Variants in TUBGCP3 observed in about 807,000 individuals in gnomAD.
The protein encoded by TUBGCP3 is tubulin gamma complex component 3.
Under a neutral mutation model 123.1 loss-of-function variants are expected in TUBGCP3, and 50 were observed. The ratio of observed to expected loss-of-function variants is 0.41; its 90% CI spans 0.32 to 0.51. The LOEUF (loss-of-function observed/expected upper bound fraction) is 0.51. Among genes scored for constraint, TUBGCP3 ranks in the 20% least tolerant of loss-of-function variants. TUBGCP3 has a pLI of 0.36. For missense variants in TUBGCP3, 882 were observed against 1,127.0 expected (o/e 0.78, Z 3.11); for synonymous variants, 405 against 413.9 (o/e 0.98, Z 0.26).
intron 11 of TUBGCP3, among the ~76,000 whole-genome samples, chr13:112,543,655 T>G (rs1211876622): frequency 6.6e-6 from 1 of 152,226 alleles, no homozygotes; most frequent in Admixed American, 6.5e-5. Context: ...TAGAGAAATT[T>G]AGTTTATGAT....
intron 17 of TUBGCP3, among the ~76,000 whole-genome samples, chr13:112,505,347 A>C (rs1388591158): frequency 2.0e-5 from 3 of 152,270 alleles, no homozygotes; most frequent in Non-Finnish European, 4.4e-5. Context: ...TGGCTAAATC[A>C]GAGCTAGGCC....
chr13:112,588,647 T>G (rs1448411446), upstream of TUBGCP3, among the ~76,000 whole-genome samples: 1 of 151,932 alleles, frequency 6.6e-6, no homozygotes, highest in African/African-American at 2.4e-5. Flanking sequence ...GGAAAATAAA[T>G]TAATCACGTA....
At chr13:112,498,703 G>A in intron 20 of TUBGCP3, 1 of 1,406,760 alleles carries the variant, frequency 7.1e-7, no homozygotes, top group Non-Finnish European at 9.4e-7. Flanking sequence ...CGATCCACAA[G>A]CTTCAAACAC....
At chr13:112,568,784 T>C (rs1881182841) in intron 2 of TUBGCP3, among the ~76,000 whole-genome samples, 4 of 152,194 alleles carry the variant, frequency 2.6e-5, no homozygotes, top group Admixed American at 2.6e-4. Flanking sequence ...GGACAGCTCA[T>C]GTGTGGCGGC....
chr13:112,601,448 C>T, the TUBGCP3 span, among the ~76,000 whole-genome samples: 25 of 152,296 alleles, frequency 1.6e-4, no homozygotes, highest in Admixed American at 1.6e-3. Flanking sequence ...TTCATTCTCT[C>T]GGTAGCGTTA....
At chr13:112,515,635 C>T (rs189654502) in intron 17 of TUBGCP3, among the ~76,000 whole-genome samples, 14 of 152,300 alleles carry the variant, frequency 9.2e-5, no homozygotes, top group Non-Finnish European at 1.9e-4. Flanking sequence ...GAAAATCTCC[C>T]CTTTGCTTCC....
intron 8 of TUBGCP3, among the ~76,000 whole-genome samples, chr13:112,548,798 C>G (rs894025482): frequency 8.5e-5 from 13 of 152,180 alleles, no homozygotes; most frequent in African/African-American, 3.1e-4. Context: ...CCATCTCACA[C>G]CAGTTAGAAT....
intron 1 of TUBGCP3, among the ~76,000 whole-genome samples, chr13:112,573,418 G>A (rs1378888487): frequency 6.6e-6 from 1 of 152,034 alleles, no homozygotes; most frequent in East Asian, 1.9e-4. Flanking sequence ...TGGGGAGGGA[G>A]AAACCTGGAG....
intron 21 of TUBGCP3, among the ~76,000 whole-genome samples, chr13:112,487,807 C>T (rs1879779672): frequency 6.6e-6 from 1 of 152,112 alleles, no homozygotes. Context: ...CAACGTTCCT[C>T]CTTAGTTATC....
chr13:112,548,241 G>C (rs1042931646), intron 8 of TUBGCP3, 65 bp from the exon 9 acceptor site: 70 of 1,346,748 alleles, frequency 5.2e-5, no homozygotes, highest in Non-Finnish European at 7.0e-5. Context: ...ATTTTAAGTG[G>C]AAAGGTATAA....
Position 112,587,893 on chromosome 13 carries a change from C to G in TUBGCP3, c.76+12G>C, listed in dbSNP as rs1235247057. 1 of 1,586,636 alleles carries G rather than the reference C, an allele frequency of 6.3e-7. No individual in the cohort carries two copies. Among genetic ancestry groups the G allele is most frequent in the South Asian group, 1.1e-5 (1 of 87,346 alleles). Reference sequence around the variant, plus strand: ...ACGGGTCTGCGGGCTTCGCGTCGCCCGGCCACTCTACCTTCGCTCCTGCCC... The same window carrying G: ...ACGGGTCTGCGGGCTTCGCGTCGCCGGGCCACTCTACCTTCGCTCCTGCCC... On this transcript the variant is annotated intron_variant, in intron 1 of 21. Transcript: ENST00000261965.
Position 112,527,058 on chromosome 13 carries a change from G to T in TUBGCP3, c.1447-8C>A, listed in dbSNP as rs1435602301. The T allele has an allele frequency of 1.3e-6, 2 of 1,584,536 alleles. No individual in the cohort carries two copies. The highest frequency in any genetic ancestry group is 1.7e-5 in the Admixed American group (1 of 59,348). ...TTTTCCTATCAAAAGGACCTAAAAA[G>T]AAAAACATTCTATGATTACTTTTAT... On this transcript the variant is annotated splice_region_variant and splice_polypyrimidine_tract_variant and intron_variant, in intron 12 of 21. Transcript: ENST00000261965.
At chr13:112,528,624 T>C (rs1877321830) in intron 11 of TUBGCP3, among the ~76,000 whole-genome samples, 1 of 152,246 alleles carries the variant, frequency 6.6e-6, no homozygotes, top group Non-Finnish European at 1.5e-5. Context: ...TTGTGAATCA[T>C]TAAATATTAG....
At chr13:112,538,567 G>A (rs1050926258) in intron 11 of TUBGCP3, among the ~76,000 whole-genome samples, 15 of 152,260 alleles carry the variant, frequency 9.9e-5, no homozygotes, top group African/African-American at 2.9e-4. Flanking sequence ...CAAATCTGCT[G>A]TAGTGCCCCA....
the TUBGCP3 span, chr13:112,604,974 T>C: frequency 6.6e-6 from 1 of 152,240 alleles, no homozygotes; most frequent in African/African-American, 2.4e-5. Context: ...CATTTTTAAA[T>C]TCTTCGCTAT....
chr13:112,556,051 C>T lies in TUBGCP3; in HGVS notation c.721+1G>A. 1 of 1,610,704 alleles carries T rather than the reference C, an allele frequency of 6.2e-7. No homozygotes were observed. The highest frequency in any genetic ancestry group is 8.5e-7 in the Non-Finnish European group (1 of 1,177,306). On this transcript the variant is annotated splice_donor_variant, in intron 6 of 21. Coordinates refer to ENST00000261965, the MANE Select transcript of TUBGCP3 (RefSeq NM_006322.6). LOFTEE classifies it high-confidence loss of function. ...CTGTATTAACATAGATCCTTACTCACCACCCGTATCCCCTTCTCTCCTGGA... is the reference window on the plus strand; with the variant it reads ...CTGTATTAACATAGATCCTTACTCATCACCCGTATCCCCTTCTCTCCTGGA...
chr13:112,536,123 T>G (rs1349579819), intron 11 of TUBGCP3, among the ~76,000 whole-genome samples: 1 of 152,264 alleles, frequency 6.6e-6, no homozygotes, highest in East Asian at 1.9e-4. Context: ...AGGTCTATCA[T>G]TATGCCAGTA....
intron 1 of TUBGCP3, 61 bp from the exon 2 acceptor site, chr13:112,569,320 A>C: frequency 6.6e-7 from 1 of 1,519,910 alleles, no homozygotes; most frequent in Non-Finnish European, 9.1e-7. Context: ...GGTCACCTGA[A>C]GCTTCCAGTT....
chr13:112,576,913 A>G (rs1015362908), intron 1 of TUBGCP3, among the ~76,000 whole-genome samples: 2 of 151,202 alleles, frequency 1.3e-5, no homozygotes, highest in Non-Finnish European at 2.9e-5. Flanking sequence ...AAACAAACAA[A>G]AAAAAAAAAA....
Sources: allele counts gnomAD v4.1 joint callset (sites outside exome capture counted in the v4.1 genomes callset), GRCh38; gene constraint gnomAD v4.1.1; transcripts MANE v1.5; gene names NCBI Gene and HGNC (gene_info 2026-07-23, HGNC 2026-07-21).